Variants in SLC22A12 observed in about 807,000 individuals in gnomAD.
SLC22A12 encodes organic anion transporter 4-like protein.
A neutral mutation model predicts 52.7 loss-of-function variants in SLC22A12; 56 were observed. The ratio of observed to expected loss-of-function variants is 1.06; its 90% CI spans 0.86 to 1.33. The LOEUF (loss-of-function observed/expected upper bound fraction) is 1.33, where lower values mean the gene tolerates loss of function less well. Ranked by LOEUF, SLC22A12 falls within the 40% of genes most tolerant of loss-of-function variation. SLC22A12 has a pLI of 0.00. For synonymous variants in SLC22A12, 337 were observed against 324.6 expected, an observed-to-expected ratio of 1.04 and a Z score of -0.41; for missense variants, 683 against 741.5, an observed-to-expected ratio of 0.92 and a Z score of 0.92.
At chr11:64,593,867 G>T in intron 4 of SLC22A12, 64 bp downstream of exon 4, 1 of 1,568,440 alleles carries the variant, frequency 6.4e-7, no homozygotes, top group East Asian at 2.3e-5. Flanking sequence ...CCGGGGGAAT[G>T]GGAGACTCTC....
chr11:64,593,314 C>T, intron 2 of SLC22A12, 91 bp from the exon 3 acceptor site: 1 of 1,592,218 alleles, frequency 6.3e-7, no homozygotes. Flanking sequence ...GCTCAGCGGG[C>T]AAGCATAGGG....
In SLC22A12 at chr11:64,600,412, G is replaced by T. The variant is rs2039415635; in HGVS notation, c.1331G>T (p.Gly444Val). 6 of 1,608,058 alleles carry T rather than the reference G, an allele frequency of 3.7e-6. No individual in the cohort carries two copies. The highest frequency in any genetic ancestry group is 5.1e-6 in the Non-Finnish European group (6 of 1,179,264). The part of the protein sequence containing the change: ...RSALAVLGLG[G>V]VGAAFTCITI... Reference sequence around the variant, plus strand: ...GCCTTGGCCGTGCTGGGGCTGGGCGGGGTGGGGGCTGCCTTCACCTGCATC... The same window carrying T: ...GCCTTGGCCGTGCTGGGGCTGGGCGTGGTGGGGGCTGCCTTCACCTGCATC... Residue 444 changes from glycine to valine, a missense_variant, in exon 8 of 10, where the codon GGG (glycine) becomes GTG (valine). By Grantham distance (109) the Gly-to-Val change is moderately radical. Coordinates refer to ENST00000377574, the MANE Select transcript of SLC22A12 (RefSeq NM_144585.4).
chr11:64,598,861 C>G lies in SLC22A12; in HGVS notation c.1008C>G (p.Ser336Arg). 1 of 1,612,860 alleles carries G rather than the reference C, an allele frequency of 6.2e-7. No homozygotes were observed. Among genetic ancestry groups the G allele is most frequent in the Non-Finnish European group, 8.5e-7 (1 of 1,179,984 alleles). The change falls in exon 6 of 10, where the codon AGC becomes AGG. Residue 336 changes from serine to arginine, a missense_variant. Physicochemically the swap from Ser to Arg is moderately radical, Grantham distance 110. Transcript: ENST00000377574. ...EELSMGQPPA[S>R]LGTLLRMPGL... ...TGAGCATGGGCCAGCCTCCTGCCAG[C>G]CTGGGCACCCTGCTCCGCATGCCCG...
rs374743769 is a variant in SLC22A12, at chr11:64,593,505, C to T, written c.607C>T (p.Arg203Cys). Residue 203 changes from arginine to cysteine, a missense_variant, in exon 3 of 10, where the codon CGC becomes TGC. Arg to Cys is a radical substitution (Grantham distance 180). Coordinates refer to ENST00000377574, the MANE Select transcript of SLC22A12 (RefSeq NM_144585.4). Reference protein sequence around the residue: ...APAFPVYCLFRFLLAFAVAGV... With the variant: ...APAFPVYCLFCFLLAFAVAGV... ...TGCCTTCCCCGTGTACTGCCTGTTC[C>T]GCTTCCTGTTGGCCTTTGCCGTGGC... The T allele has an allele frequency of 7.4e-6, 12 of 1,614,080 alleles. No homozygotes were observed. Among genetic ancestry groups the T allele is most frequent in the East Asian group, 2.2e-5 (1 of 44,900 alleles).
intron 9 of SLC22A12, 33 bp from the exon 10 acceptor site, chr11:64,601,455 C>T (rs778621827): frequency 6.2e-7 from 1 of 1,610,198 alleles, no homozygotes; most frequent in African/African-American, 1.3e-5. Context: ...CACTCCGCAC[C>T]CCAAGACACA....
chr11:64,600,254 C>T, intron 7 of SLC22A12, 113 bp from the exon 8 acceptor site: 2 of 876,308 alleles, frequency 2.3e-6, no homozygotes, highest in South Asian at 2.8e-5. Context: ...GAGATGACTC[C>T]CAAACATTTA....
Position 64,593,560 on chromosome 11 carries a change from G to A in SLC22A12, c.661+1G>A, listed in dbSNP as rs980726718. On this transcript the variant is annotated splice_donor_variant, in intron 3 of 9. Coordinates refer to ENST00000377574, the MANE Select transcript of SLC22A12 (RefSeq NM_144585.4). LOFTEE classifies it high-confidence loss of function. ...GTCATGATGAACACGGGCACTCTCC[G>A]TAGGTCTCTGACCTGGCGCCATGCA... 17 of 1,614,134 alleles carry A rather than the reference G, an allele frequency of 1.1e-5. No individual in the cohort carries two copies. Among genetic ancestry groups the A allele is most frequent in the South Asian group, 8.8e-5 (8 of 91,084 alleles).
chr11:64,595,048 G>GGATGGTTGGAATAGA (rs2039076808), intron 4 of SLC22A12, among the ~76,000 whole-genome samples: 1 of 51,226 alleles, frequency 2.0e-5, no homozygotes, highest in Non-Finnish European at 4.1e-5. Flanking sequence ...GGATGGATGG[G>GGATGGTTGGAATAGA]TGGATGGATG....
At chr11:64,596,388 G>T (rs1345641424) in intron 4 of SLC22A12, among the ~76,000 whole-genome samples, 5 of 150,962 alleles carry the variant, frequency 3.3e-5, no homozygotes, top group African/African-American at 9.8e-5. Flanking sequence ...TGGATGGATG[G>T]ATGGTTGGAT....
rs1411489401 is a variant in SLC22A12 at position 64,591,315 on chromosome 11, G to A, written c.-242G>A. The A allele has an allele frequency of 1.0e-5, 6 of 573,410 alleles. No homozygotes were observed. Among genetic ancestry groups the A allele is most frequent in the African/African-American group, 1.9e-5 (1 of 53,466 alleles). 35.5% of individuals were successfully genotyped at this position (573,410 alleles called of 1,614,324 possible). ...GCAGCTGCCTCTCTGGGGAGATGCT[G>A]GAGGTCTCGGAATCACCTCACGCGG... On this transcript the variant is annotated 5_prime_UTR_variant, in exon 1 of 10. Coordinates refer to ENST00000377574, the MANE Select transcript of SLC22A12 (RefSeq NM_144585.4).
chr11:64,591,527 C>T lies in SLC22A12; in HGVS notation c.-30C>T. ...CCTGGGCCAGCCTTTGTGAAGTGGG[C>T]CCCTCTTCTGGGCCCCTTGAGTAGG... is the stretch of plus-strand genomic sequence containing the variant. On this transcript the variant is annotated 5_prime_UTR_variant, in exon 1 of 10. Transcript: ENST00000377574. 6.2e-7 allele frequency: 1 copy of T among 1,607,278 alleles called. No individual in the cohort carries two copies. Among genetic ancestry groups the T allele is most frequent in the South Asian group, 1.1e-5 (1 of 91,040 alleles).
At chr11:64,598,686 G>GC in intron 5 of SLC22A12, 47 bp downstream of exon 5, 1 of 1,600,222 alleles carries the variant, frequency 6.2e-7, no homozygotes, top group Non-Finnish European at 8.5e-7. Context: ...CCCTCTCCCT[G>GC]CCCCTGCATA....
At chr11:64,596,831 T>C (rs2039262485) in intron 4 of SLC22A12, among the ~76,000 whole-genome samples, 1 of 152,130 alleles carries the variant, frequency 6.6e-6, no homozygotes. Context: ...AAGGCACCCC[T>C]CCTGGTTCTC....
rs1218690604 is a variant in SLC22A12 at position 64,600,363 on chromosome 11, A to G, written c.1286-4A>G. On this transcript the variant is annotated splice_region_variant and splice_polypyrimidine_tract_variant and intron_variant, in intron 7 of 9. Coordinates refer to ENST00000377574, the MANE Select transcript of SLC22A12 (RefSeq NM_144585.4). ...AAGCTCACTAATCCCATCTCTACCCACAGAAATGGGGGCTCTGCGCTCAGC... is the reference window on the plus strand; with the variant it reads ...AAGCTCACTAATCCCATCTCTACCCGCAGAAATGGGGGCTCTGCGCTCAGC... The G allele has an allele frequency of 2.4e-5, 39 of 1,595,066 alleles. No homozygotes were observed. The highest frequency in any genetic ancestry group is 3.1e-5 in the Non-Finnish European group (36 of 1,172,340).
intron 9 of SLC22A12, 56 bp downstream of exon 9, chr11:64,600,994 A>C: frequency 6.3e-7 from 1 of 1,591,780 alleles, no homozygotes; most frequent in East Asian, 2.2e-5. Flanking sequence ...ACCCTAGCAC[A>C]GGGCAGCCTG....
rs2039459005 is a variant in SLC22A12 at position 64,601,646 on chromosome 11, G to A, written c.*95G>A. 3.6e-6 allele frequency: 5 copies of A among 1,403,332 alleles called. No individual in the cohort carries two copies. The South Asian group carries it at 6.1e-5, about 17-fold the overall frequency. 86.9% of individuals were successfully genotyped at this position (1,403,332 alleles called of 1,614,324 possible). On this transcript the variant is annotated 3_prime_UTR_variant, in exon 10 of 10. Coordinates refer to ENST00000377574, the MANE Select transcript of SLC22A12 (RefSeq NM_144585.4). ...GAAAGCAAAGACCTCCATTTCCAGA[G>A]GCCCAGAGGCTGCCCTCTGAGGTCC...
chr11:64,598,758 G>T, intron 5 of SLC22A12, 50 bp from the exon 6 acceptor site: 1 of 1,610,274 alleles, frequency 6.2e-7, no homozygotes, highest in Non-Finnish European at 8.5e-7. Flanking sequence ...CAGAGAGGAG[G>T]AGGTGCCTGG....
chr11:64,591,515 T>A lies in SLC22A12; in HGVS notation c.-42T>A. 1 of 1,605,180 alleles carries A rather than the reference T, an allele frequency of 6.2e-7. No homozygotes were observed. ...TGGCCTCTTTGCCCTGGGCCAGCCT[T>A]TGTGAAGTGGGCCCCTCTTCTGGGC... is the stretch of plus-strand genomic sequence containing the variant. On this transcript the variant is annotated 5_prime_UTR_variant, in exon 1 of 10. It adds an upstream start codon to the 5' untranslated region. Coordinates refer to ENST00000377574, the MANE Select transcript of SLC22A12 (RefSeq NM_144585.4).
chr11:64,591,375 C>A lies in SLC22A12; in HGVS notation c.-182C>A. 1.3e-6 allele frequency: 1 copy of A among 779,726 alleles called. No homozygotes were observed. The highest frequency in any genetic ancestry group is 2.0e-6 in the Non-Finnish European group (1 of 497,626). The allele number at this position is 779,726 out of a possible 1,614,324, so 48.3% of individuals were successfully genotyped here. ...CCAGTTGGAGCCACCCCAAGTGACA[C>A]CAGCAGGCAGATGACCAGAGAGCCT... On this transcript the variant is annotated 5_prime_UTR_variant, in exon 1 of 10. Transcript: ENST00000377574.
Sources: gnomAD v4.1 joint callset for allele counts (sites outside exome capture counted in the v4.1 genomes callset) on GRCh38, gnomAD v4.1.1 for gene constraint, MANE v1.5 for transcripts, NCBI Gene and HGNC (gene_info 2026-07-23, HGNC 2026-07-21) for gene names.